The following NKAIN3 variants were observed in gnomAD, a reference collection of about 807,000 sequenced individuals.
NKAIN3 encodes the protein sodium/potassium-transporting ATPase subunit beta-1-interacting protein 3.
A neutral mutation model predicts 30.2 loss-of-function variants in NKAIN3; 25 were observed. The observed-to-expected ratio is 0.83, with a 90% CI of 0.60 to 1.16. The LOEUF is 1.16. Among genes scored for constraint, NKAIN3 ranks in the 50% most tolerant of loss-of-function variants. The probability of loss-of-function intolerance (pLI) is 0.00; values close to 1 mark genes in which losing one functional copy is unlikely to be tolerated. For synonymous variants in NKAIN3, 91 were observed against 89.6 expected, an observed-to-expected ratio of 1.02 and a Z score of -0.09; for missense variants, 225 against 254.1, an observed-to-expected ratio of 0.89 and a Z score of 0.78.
intron 1 of NKAIN3, among the ~76,000 whole-genome samples, chr8:62,469,056 G>A (rs920027499): frequency 6.6e-6 from 1 of 152,122 alleles, no homozygotes; most frequent in Non-Finnish European, 1.5e-5. Context: ...TGTCACCTGT[G>A]TTGGCCTGGA....
At chr8:62,960,798 C>T (rs1229496824) in intron 6 of NKAIN3, among the ~76,000 whole-genome samples, 1 of 151,316 alleles carries the variant, frequency 6.6e-6, no homozygotes, top group African/African-American at 2.4e-5. Flanking sequence ...ATTTACAGTT[C>T]TATCAGAAGA....
At chr8:62,528,765 G>A (rs564120994) in intron 1 of NKAIN3, among the ~76,000 whole-genome samples, 3 of 152,072 alleles carry the variant, frequency 2.0e-5, no homozygotes, top group Non-Finnish European at 4.4e-5. Flanking sequence ...TGTGTATGCC[G>A]GTATGACGTG....
Position 62,337,574 on chromosome 8 carries a change from C to CATATATAT in NKAIN3, c.54+88451_54+88458dup, listed in dbSNP as rs148709136. Among the ~76,000 whole-genome samples, 941 of 150,324 alleles carry CATATATAT rather than the reference C, an allele frequency of 6.3e-3. 7 individuals are homozygous for CATATATAT. Among genetic ancestry groups the CATATATAT allele is most frequent in the African/African-American group, 9.2e-3 (379 of 41,108 alleles). On this transcript the variant is annotated intron_variant, in intron 1 of 6. Coordinates refer to ENST00000623646, the MANE Select transcript of NKAIN3 (RefSeq NM_001304533.3). ...GTCTATTTTACTGTCAAGTATAGTA[C>CATATATAT]ATATATATATAACACAACACACATA...
At chr8:62,889,531 T>G (rs1483464563) in intron 4 of NKAIN3, among the ~76,000 whole-genome samples, 1 of 152,206 alleles carries the variant, frequency 6.6e-6, no homozygotes, top group Non-Finnish European at 1.5e-5. Flanking sequence ...GAGCCATCAC[T>G]TCTCACTGAT....
At chr8:62,847,259 C>T (rs2130767987) in intron 4 of NKAIN3, among the ~76,000 whole-genome samples, 1 of 152,252 alleles carries the variant, frequency 6.6e-6, no homozygotes, top group South Asian at 2.1e-4. Context: ...TGTAAAATCA[C>T]CACACTGTCT....
At chr8:62,810,374 GT>G (rs149418238) in intron 4 of NKAIN3, among the ~76,000 whole-genome samples, 2,101 of 152,184 alleles carry the variant, frequency 0.014, 47 homozygotes, top group African/African-American at 0.049. Context: ...AGGTAAAAAA[GT>G]GTTTTATTTA....
intron 4 of NKAIN3, among the ~76,000 whole-genome samples, chr8:62,904,438 T>G (rs540052269): frequency 1.6e-4 from 25 of 152,334 alleles, no homozygotes; most frequent in African/African-American, 5.3e-4. Flanking sequence ...TTCATCCATC[T>G]GTTGAAGATG....
At chr8:62,655,045 CTT>C (rs1015581174) in intron 3 of NKAIN3, among the ~76,000 whole-genome samples, 1 of 152,152 alleles carries the variant, frequency 6.6e-6, no homozygotes, top group Admixed American at 6.6e-5. Flanking sequence ...CAAAAAGAAA[CTT>C]ATAAATGCAG....
At chr8:62,894,627 G>C (rs1414597796) in intron 4 of NKAIN3, among the ~76,000 whole-genome samples, 1 of 152,032 alleles carries the variant, frequency 6.6e-6, no homozygotes, top group Non-Finnish European at 1.5e-5. Context: ...TCAGTTCTTT[G>C]GATAAACTTC....
chr8:62,818,985 A>G (rs982876334), intron 4 of NKAIN3, among the ~76,000 whole-genome samples: 25 of 151,950 alleles, frequency 1.6e-4, no homozygotes, highest in African/African-American at 5.8e-4. Flanking sequence ...TGAATAAAAC[A>G]ACTGCAAAAA....
chr8:62,339,471 G>A (rs1815670526), intron 1 of NKAIN3, among the ~76,000 whole-genome samples: 1 of 151,824 alleles, frequency 6.6e-6, no homozygotes, highest in Non-Finnish European at 1.5e-5. Flanking sequence ...GAACGTCCGG[G>A]GATAAAAGTT....
In NKAIN3 at chr8:62,924,810, C is replaced by T. The variant is rs138765582; in HGVS notation, c.532+6297C>T. Among the ~76,000 whole-genome samples the T allele has an allele frequency of 3.0e-3, 452 of 152,260 alleles. 3 individuals carry two copies. The highest frequency in any genetic ancestry group is 9.7e-3 in the African/African-American group (402 of 41,542). ...ATCAAGGTACCAGCAGACTTGGTGT[C>T]TGGTGAGGGCCCACTTCTCTCTTCA... On this transcript the variant is annotated intron_variant, in intron 5 of 6. Coordinates refer to ENST00000623646, the MANE Select transcript of NKAIN3 (RefSeq NM_001304533.3).
rs2127578 is a variant in NKAIN3, at chr8:62,590,983, A to G, written c.273+1189A>G. On this transcript the variant is annotated intron_variant, in intron 3 of 6. Coordinates refer to ENST00000623646, the MANE Select transcript of NKAIN3 (RefSeq NM_001304533.3). The stretch of plus-strand genomic sequence containing the variant: ...AGTTCACCACTAATTTCTAAGATAT[A>G]AAAAAGTAATTAAATTAATGTCTAG... 6.5e-3 allele frequency among the ~76,000 whole-genome samples: 992 copies of G among 151,956 alleles called. 27 individuals carry two copies. Among genetic ancestry groups the G allele is most frequent in the Admixed American group, 0.049 (740 of 15,244 alleles).
chr8:62,743,193 A>T (rs1248546404), intron 3 of NKAIN3, among the ~76,000 whole-genome samples: 1 of 152,120 alleles, frequency 6.6e-6, no homozygotes, highest in Non-Finnish European at 1.5e-5. Flanking sequence ...TCAACAATAA[A>T]GTGATTTGTG....
At chr8:62,662,519 C>A (rs1812977661) in intron 3 of NKAIN3, among the ~76,000 whole-genome samples, 1 of 152,212 alleles carries the variant, frequency 6.6e-6, no homozygotes, top group South Asian at 2.1e-4. Context: ...TTACTAGAAT[C>A]ATCGTATCCC....
At chr8:62,627,293 G>C (rs770152131) in intron 3 of NKAIN3, among the ~76,000 whole-genome samples, 1 of 152,100 alleles carries the variant, frequency 6.6e-6, no homozygotes. Context: ...CTGTGCAAAT[G>C]CTACCTATTA....
chr8:62,764,170 T>A (rs188773169), intron 4 of NKAIN3, among the ~76,000 whole-genome samples: 31 of 152,340 alleles, frequency 2.0e-4, no homozygotes, highest in Admixed American at 1.5e-3. Flanking sequence ...AAAATGGCAG[T>A]GCCTGTCCAA....
intron 4 of NKAIN3, among the ~76,000 whole-genome samples, chr8:62,788,485 G>T (rs1817595775): frequency 6.6e-6 from 1 of 152,140 alleles, no homozygotes; most frequent in Non-Finnish European, 1.5e-5. Flanking sequence ...TCTGTAGGTT[G>T]CCTGTTCACT....
In NKAIN3 at chr8:62,965,648, A is replaced by T; in HGVS notation, c.*241A>T. 1 of 977,092 alleles carries T rather than the reference A, an allele frequency of 1.0e-6. No homozygotes were observed. The allele number at this position is 977,092 out of a possible 1,614,324, so 60.5% of individuals were successfully genotyped here. ...AAAAAAAAAAAAAAGAAAAAACAGA[A>T]TTTGGTTTTAAATTTTTAACAATAT... On this transcript the variant is annotated 3_prime_UTR_variant, in exon 7 of 7. Coordinates refer to ENST00000623646, the MANE Select transcript of NKAIN3 (RefSeq NM_001304533.3).
Sources: gnomAD v4.1 joint callset for allele counts (sites outside exome capture counted in the v4.1 genomes callset) on GRCh38, gnomAD v4.1.1 for gene constraint, MANE v1.5 for transcripts, NCBI Gene and HGNC (gene_info 2026-07-23, HGNC 2026-07-21) for gene names.